The following PCDH11X variants were observed in gnomAD, a reference collection of about 807,000 sequenced individuals.
PCDH11X encodes the protein protocadherin-11 X-linked.
Under a neutral mutation model 53.3 loss-of-function variants are expected in PCDH11X, and 18 were observed. The ratio of observed to expected loss-of-function variants is 0.34; its 90% CI spans 0.23 to 0.50. PCDH11X has a LOEUF of 0.50. Ranked by LOEUF, PCDH11X falls within the 20% of genes least tolerant of loss-of-function variation. PCDH11X has a pLI of 0.98. For synonymous variants in PCDH11X, 279 were observed against 393.3 expected, an observed-to-expected ratio of 0.71 and a Z score of 3.44; for missense variants, 570 against 1,032.4, an observed-to-expected ratio of 0.55 and a Z score of 6.14.
intron 8 of PCDH11X, among the ~76,000 whole-genome samples, chrX:92,328,895 C>T (rs1482227874): frequency 1.8e-5 from 2 of 110,361 alleles, no homozygotes; most frequent in Non-Finnish European, 3.8e-5. Flanking sequence ...ACTCCAAAAA[C>T]AATTATCAGG....
At chrX:92,330,747 T>A (rs1302883785) in intron 8 of PCDH11X, among the ~76,000 whole-genome samples, 1 of 110,557 alleles carries the variant, frequency 9.0e-6, no homozygotes, top group Non-Finnish European at 1.9e-5. Flanking sequence ...AATAAACTAT[T>A]GATACAGGCA....
intron 10 of PCDH11X, among the ~76,000 whole-genome samples, chrX:92,552,598 C>T (rs761202051): frequency 9.2e-6 from 1 of 109,092 alleles, no homozygotes; most frequent in African/African-American, 3.3e-5. Flanking sequence ...AAGTGGGCAT[C>T]CTTTCAAGTT....
At chrX:91,796,294 C>T (rs1330377827) in intron 1 of PCDH11X, among the ~76,000 whole-genome samples, 2 of 111,688 alleles carry the variant, frequency 1.8e-5, no homozygotes, top group Admixed American at 1.9e-4. Context: ...TCTACCAGAG[C>T]CATGTATTCC....
At chrX:91,840,286 G>A (rs1473686765) in intron 5 of PCDH11X, among the ~76,000 whole-genome samples, 1 of 111,720 alleles carries the variant, frequency 9.0e-6, no homozygotes, top group Non-Finnish European at 1.9e-5. Context: ...CAGTGACAGT[G>A]TGCTGATTGA....
intron 6 of PCDH11X, among the ~76,000 whole-genome samples, chrX:92,090,867 G>A (rs1364305109): frequency 8.9e-6 from 1 of 111,973 alleles, no homozygotes; most frequent in Admixed American, 9.5e-5. Context: ...CATGTATAAC[G>A]ACTTTTGAAG....
At chrX:91,892,825 AT>A (rs902085254) in intron 6 of PCDH11X, among the ~76,000 whole-genome samples, 1 of 108,017 alleles carries the variant, frequency 9.3e-6, no homozygotes, top group African/African-American at 3.4e-5. Flanking sequence ...TAATTTTTGT[AT>A]TTTTAGTAGA....
At position 92,341,088 on chromosome X, in the gene PCDH11X, G is replaced by A. The variant is rs551123307; in HGVS notation, c.3145-46647G>A. The stretch of plus-strand genomic sequence containing the variant: ...CTCAAGTTCAAACTCCCACAGAACC[G>A]TAGGTCATGAATACAGTGCAGCCAA... On this transcript the variant is annotated intron_variant, in intron 8 of 10. Coordinates refer to ENST00000682573, the MANE Select transcript of PCDH11X (RefSeq NM_032968.5). 9.0e-5 allele frequency among the ~76,000 whole-genome samples: 10 copies of A among 111,485 alleles called. No homozygotes were observed. In the South Asian group the frequency reaches 2.3e-3, roughly 25 times the overall value.
chrX:92,096,337 G>A lies in PCDH11X; in HGVS notation c.3034-105038G>A, dbSNP rs1313860136. Among the ~76,000 whole-genome samples the A allele has an allele frequency of 3.6e-5, 4 of 110,060 alleles. No individual in the cohort carries two copies. In the Admixed American group the frequency reaches 3.9e-4, roughly 11 times the overall value. On this transcript the variant is annotated intron_variant, in intron 6 of 10. Transcript: ENST00000682573. ...AATATACAAGGCACGTTGAACACATGGGACATTATCTTCACTTGCTCTCAG... is the reference window on the plus strand; with the variant it reads ...AATATACAAGGCACGTTGAACACATAGGACATTATCTTCACTTGCTCTCAG...
chrX:91,970,192 G>C (rs2061934635), intron 6 of PCDH11X, among the ~76,000 whole-genome samples: 1 of 111,209 alleles, frequency 9.0e-6, no homozygotes, highest in Non-Finnish European at 1.9e-5. Flanking sequence ...GACCCAAAAA[G>C]TGAGCAGCAG....
intron 10 of PCDH11X, among the ~76,000 whole-genome samples, chrX:92,501,533 A>G (rs2073959225): frequency 8.9e-6 from 1 of 111,907 alleles, no homozygotes; most frequent in Non-Finnish European, 1.9e-5. Flanking sequence ...ATCCACCATG[A>G]TCATGCTGGC....
intron 10 of PCDH11X, among the ~76,000 whole-genome samples, chrX:92,514,496 G>A (rs1010789199): frequency 1.8e-5 from 2 of 110,022 alleles, no homozygotes; most frequent in African/African-American, 6.6e-5. Flanking sequence ...TTGGGAGGCC[G>A]AGGTGGGTGG....
At chrX:92,580,763 G>A (rs1320563176) in intron 10 of PCDH11X, among the ~76,000 whole-genome samples, 1 of 111,957 alleles carries the variant, frequency 8.9e-6, no homozygotes, top group Non-Finnish European at 1.9e-5. Context: ...CTGGGCTCAT[G>A]AAGGGATCTC....
In PCDH11X at chrX:92,257,337, G is replaced by A. The variant is rs138333597; in HGVS notation, c.3115-5777G>A. Among the ~76,000 whole-genome samples, 46 of 110,907 alleles carry A rather than the reference G, an allele frequency of 4.1e-4. No individual in the cohort carries two copies. In the Middle Eastern group the frequency reaches 0.019, roughly 45 times the overall value. On this transcript the variant is annotated intron_variant, in intron 7 of 10. Coordinates refer to ENST00000682573, the MANE Select transcript of PCDH11X (RefSeq NM_032968.5). The stretch of plus-strand genomic sequence containing the variant: ...ATTTAGACATGAGATTTGAGTGGGG[G>A]CACTGATCGAAACCATATCATTCTG...
At chrX:91,969,953 C>T (rs749456279) in intron 6 of PCDH11X, among the ~76,000 whole-genome samples, 39 of 110,665 alleles carry the variant, frequency 3.5e-4, no homozygotes, top group Non-Finnish European at 6.1e-4. Flanking sequence ...GGTTCAGCTT[C>T]CTCATTTGTA....
At chrX:92,405,720 A>G (rs1339413248) in intron 9 of PCDH11X, among the ~76,000 whole-genome samples, 1 of 107,538 alleles carries the variant, frequency 9.3e-6, no homozygotes, top group Non-Finnish European at 1.9e-5. Context: ...ACTGTAAGAT[A>G]TGAAAGTAAA....
intron 6 of PCDH11X, among the ~76,000 whole-genome samples, chrX:92,105,641 G>C (rs1319867916): frequency 9.5e-6 from 1 of 105,365 alleles, no homozygotes. Flanking sequence ...AGTGGGGGTC[G>C]CAAGGTGCTC....
At chrX:91,902,779 C>G (rs1000414880) in intron 6 of PCDH11X, among the ~76,000 whole-genome samples, 1 of 108,990 alleles carries the variant, frequency 9.2e-6, no homozygotes, top group Non-Finnish European at 1.9e-5. Flanking sequence ...GATAGAGTCA[C>G]CATTCATTCA....
intron 9 of PCDH11X, among the ~76,000 whole-genome samples, chrX:92,415,658 A>G (rs2071792116): frequency 9.0e-6 from 1 of 110,724 alleles, no homozygotes; most frequent in African/African-American, 3.3e-5. Flanking sequence ...AGTGACTTTA[A>G]AGCTGAATTG....
intron 6 of PCDH11X, among the ~76,000 whole-genome samples, chrX:92,135,495 T>C (rs2065067705): frequency 9.0e-6 from 1 of 111,022 alleles, no homozygotes; most frequent in African/African-American, 3.3e-5. Flanking sequence ...TTTCTTTTTT[T>C]GGTGAGAGGA....
Sources: gnomAD v4.1 joint callset for allele counts (sites outside exome capture counted in the v4.1 genomes callset) on GRCh38, gnomAD v4.1.1 for gene constraint, MANE v1.5 for transcripts, NCBI Gene and HGNC (gene_info 2026-07-23, HGNC 2026-07-21) for gene names.